IMPG1: variants seen among roughly 807,000 people sequenced by gnomAD.
The protein encoded by IMPG1 is interphotoreceptor matrix proteoglycan of 150 kDa.
Under a neutral mutation model 92.0 loss-of-function variants are expected in IMPG1, and 85 were observed. The ratio of observed to expected loss-of-function variants is 0.92; its 90% confidence interval spans 0.78 to 1.11. The LOEUF (loss-of-function observed/expected upper bound fraction) is 1.11, where lower values mean the gene tolerates loss of function less well. IMPG1 is among the 50% of genes least tolerant of loss of function. IMPG1 has a pLI of 0.00. For missense variants in IMPG1, 1,022 were observed against 956.0 expected (o/e 1.07, Z -0.91); for synonymous variants, 367 against 334.1 (o/e 1.10, Z -1.08).
chr6:76,005,452 A>G lies in IMPG1; in HGVS notation c.970T>C (p.Ser324Pro). The part of the protein sequence containing the change: ...EAKSPASDLL[S>P]FDSNKIESEE... The stretch of plus-strand genomic sequence containing the variant: ...CTTTCAATTTTGTTGGAATCAAAAG[A>G]CAGGAGGTCACTTGCAGGGCTTTTT... Residue 324 changes from serine to proline, a missense_variant, in exon 10 of 17, where the codon TCT (serine) becomes CCT (proline). Transcript: ENST00000369950. 1.2e-6 allele frequency: 2 copies of G among 1,614,044 alleles called. No homozygotes were observed. Among genetic ancestry groups the G allele is most frequent in the South Asian group, 2.2e-5 (2 of 91,086 alleles).
intron 13 of IMPG1, among the ~76,000 whole-genome samples, chr6:75,948,353 T>C (rs1247244170): frequency 1.3e-5 from 2 of 150,480 alleles, no homozygotes; most frequent in African/African-American, 5.0e-5. Context: ...CACCTTGTCC[T>C]TGGCTCTGAA....
rs185583561 is a variant in IMPG1 at position 75,973,843 on chromosome 6, T to C, written c.1292-22749A>G. On this transcript the variant is annotated intron_variant, in intron 12 of 16. Transcript: ENST00000369950. ...GACACATAGGGTACTTTGGGAGGCA[T>C]AAAAGGGAGACCTAACAACTCTCAT... Among the ~76,000 whole-genome samples the C allele has an allele frequency of 3.8e-4, 58 of 152,284 alleles. 1 individual carries two copies. Among genetic ancestry groups the C allele is most frequent in the East Asian group, 2.9e-3 (15 of 5,196 alleles).
At chr6:76,033,864 T>C (rs1002783049) in intron 4 of IMPG1, among the ~76,000 whole-genome samples, 7 of 152,228 alleles carry the variant, frequency 4.6e-5, no homozygotes, top group Non-Finnish European at 1.0e-4. Flanking sequence ...GTTGAGGATA[T>C]AACTTAGAGC....
In IMPG1 at chr6:76,072,475, G is replaced by A. The variant is rs773227600; in HGVS notation, c.14C>T (p.Thr5Ile). MYLE[T>I]RRAIFVFWIF... Reference sequence around the variant, plus strand: ...CCAAAAAACAAAAATAGCTCTTCTAGTTTCCAAATACATTCTGGCTTTTGT... The same window carrying A: ...CCAAAAAACAAAAATAGCTCTTCTAATTTCCAAATACATTCTGGCTTTTGT... The change falls in exon 1 of 17, where the codon ACT becomes ATT. Residue 5 changes from threonine (T) to isoleucine (I), a missense_variant. Physicochemically the swap from Thr to Ile is moderately conservative, Grantham distance 89 (BLOSUM62 -1). Transcript: ENST00000369950. 1.9e-6 allele frequency: 3 copies of A among 1,592,626 alleles called. No homozygotes were observed. Among genetic ancestry groups the A allele is most frequent in the Admixed American group, 3.4e-5 (2 of 58,190 alleles).
intron 1 of IMPG1, among the ~76,000 whole-genome samples, chr6:76,071,691 G>A (rs944693217): frequency 6.6e-6 from 1 of 151,944 alleles, no homozygotes; most frequent in African/African-American, 2.4e-5. Flanking sequence ...TAACCTTATT[G>A]ACTTCAAATG....
intron 2 of IMPG1, among the ~76,000 whole-genome samples, chr6:76,037,583 A>G (rs563972036): frequency 3.9e-5 from 6 of 152,124 alleles, no homozygotes; most frequent in African/African-American, 1.2e-4. Context: ...ATATACAAGA[A>G]GGAAACAACA....
At chr6:76,070,813 A>C (rs1784392664) in intron 1 of IMPG1, among the ~76,000 whole-genome samples, 4 of 151,312 alleles carry the variant, frequency 2.6e-5, no homozygotes. Context: ...CTGGGCATTC[A>C]AAAAGATGAG....
At chr6:76,003,825 G>C in intron 11 of IMPG1, 49 bp downstream of exon 11, 1 of 1,361,996 alleles carries the variant, frequency 7.3e-7, no homozygotes, top group Non-Finnish European at 1.0e-6. Flanking sequence ...TTGGTGGAAG[G>C]TTTTGAGACT....
At chr6:76,008,883 A>G (rs531776717) in intron 8 of IMPG1, among the ~76,000 whole-genome samples, 2 of 152,098 alleles carry the variant, frequency 1.3e-5, no homozygotes, top group Non-Finnish European at 2.9e-5. Context: ...TTCTATCCCT[A>G]TGTGCCTCAC....
intron 1 of IMPG1, among the ~76,000 whole-genome samples, chr6:76,048,643 T>G (rs1286404974): frequency 6.6e-6 from 1 of 152,172 alleles, no homozygotes; most frequent in Non-Finnish European, 1.5e-5. Flanking sequence ...TTGGATTATT[T>G]CTAGAAGCAC....
intron 1 of IMPG1, among the ~76,000 whole-genome samples, chr6:76,065,825 G>C (rs752656844): frequency 1.3e-5 from 2 of 152,028 alleles, no homozygotes; most frequent in African/African-American, 4.8e-5. Flanking sequence ...AAATCAGCAA[G>C]AGAAAAGCCT....
At chr6:75,926,095 A>G (rs1781544665) in intron 15 of IMPG1, among the ~76,000 whole-genome samples, 1 of 152,156 alleles carries the variant, frequency 6.6e-6, no homozygotes, top group African/African-American at 2.4e-5. Context: ...ATGCCAGGGA[A>G]GGGGCAGATG....
intron 13 of IMPG1, among the ~76,000 whole-genome samples, chr6:75,950,191 A>G (rs192781460): frequency 1.6e-4 from 24 of 152,254 alleles, no homozygotes; most frequent in Middle Eastern, 3.4e-3. Flanking sequence ...CTAACTTTGT[A>G]CCCTTTCATG....
Position 76,072,423 on chromosome 6 carries a change from T to G in IMPG1, c.66A>C (p.Lys22Asn). ...FWIFLQVQGTKDISINIYHSE... is the reference protein window; with the variant it reads ...FWIFLQVQGTNDISINIYHSE... ...AAAGTAAACATTTAAGTAACTTACC[T>G]TTGGTTCCTTGAACTTGGAGAAAAA... The change falls in exon 1 of 17, where the codon AAA becomes AAC. Residue 22 changes from lysine to asparagine, a missense_variant and splice_region_variant. Around this residue, in one of 3 missense-constraint regions of IMPG1, gnomAD observed 681 missense variants for 583.6 expected, o/e 1.17. Transcript: ENST00000369950. 6 of 1,519,800 alleles carry G rather than the reference T, an allele frequency of 3.9e-6. No individual in the cohort carries two copies. The highest frequency in any genetic ancestry group is 3.6e-6 in the Non-Finnish European group (4 of 1,099,406). The allele number at this position is 1,519,800 out of a possible 1,614,324, so 94.1% of individuals were successfully genotyped here.
intron 6 of IMPG1, among the ~76,000 whole-genome samples, chr6:76,021,280 CT>C (rs1158902909): frequency 6.6e-6 from 1 of 152,190 alleles, no homozygotes; most frequent in African/African-American, 2.4e-5. Flanking sequence ...TCTCGCCTTT[CT>C]GTACCAAACC....
chr6:75,933,994 T>G (rs1781701414), intron 14 of IMPG1, among the ~76,000 whole-genome samples: 1 of 152,240 alleles, frequency 6.6e-6, no homozygotes, highest in Non-Finnish European at 1.5e-5. Context: ...GTTTGGCTTT[T>G]TAAATAATTC....
chr6:75,988,303 T>G (rs1054024551), intron 12 of IMPG1, among the ~76,000 whole-genome samples: 1 of 152,246 alleles, frequency 6.6e-6, no homozygotes, highest in African/African-American at 2.4e-5. Context: ...GACTTCTTAA[T>G]GATCGCCATT....
At chr6:76,051,991 AAAAG>A (rs1262006678) in intron 1 of IMPG1, among the ~76,000 whole-genome samples, 2 of 152,142 alleles carry the variant, frequency 1.3e-5, no homozygotes, top group African/African-American at 2.4e-5. Flanking sequence ...AAGAAAAAAA[AAAAG>A]AAAGAAAAGG....
At chr6:75,952,342 A>G (rs1782047221) in intron 12 of IMPG1, among the ~76,000 whole-genome samples, 1 of 152,070 alleles carries the variant, frequency 6.6e-6, no homozygotes, top group Non-Finnish European at 1.5e-5. Context: ...TAATCTCTGG[A>G]CTCTCAGTCA....
Sources: gnomAD v4.1 joint callset for allele counts (sites outside exome capture counted in the v4.1 genomes callset) on GRCh38, gnomAD v4.1.1 for gene constraint, gnomAD v4.1.1 regional missense constraint, MANE v1.5 for transcripts, NCBI Gene and HGNC (gene_info 2026-07-23, HGNC 2026-07-21) for gene names.